AP3B1: variants seen among roughly 807,000 people sequenced by gnomAD.
AP3B1 encodes the protein AP-3 complex subunit beta-1.
Under a neutral mutation model 132.5 loss-of-function variants are expected in AP3B1, and 61 were observed. That is an observed-to-expected ratio of 0.46 (90% confidence interval 0.37 to 0.57). The LOEUF is 0.57. AP3B1 is among the 20% of genes least tolerant of loss of function. The probability of loss-of-function intolerance (pLI) is 0.00; values close to 1 mark genes in which losing one functional copy is unlikely to be tolerated. For synonymous variants in AP3B1, 388 were observed against 438.3 expected (o/e 0.89, Z 1.43); for missense variants, 1,120 against 1,289.4 (o/e 0.87, Z 2.01).
chr5:78,110,065 T>C (rs989576185), intron 20 of AP3B1, 142 bp downstream of exon 20: 2 of 720,720 alleles, frequency 2.8e-6, no homozygotes, highest in African/African-American at 1.8e-5. Context: ...TTAAAGTTTC[T>C]AGCATTTCTG....
At chr5:78,219,522 T>C (rs1256890988) in intron 6 of AP3B1, among the ~76,000 whole-genome samples, 1 of 151,998 alleles carries the variant, frequency 6.6e-6, no homozygotes, top group Non-Finnish European at 1.5e-5. Context: ...TGGTAACAGT[T>C]GATTGGAGAT....
At chr5:78,161,447 C>T (rs778954318) in intron 13 of AP3B1, among the ~76,000 whole-genome samples, 11 of 151,820 alleles carry the variant, frequency 7.2e-5, no homozygotes, top group Non-Finnish European at 1.5e-4. Flanking sequence ...AAGTTATTTT[C>T]CCAAGGTGTG....
chr5:78,039,105 T>A lies in AP3B1; in HGVS notation c.2747A>T (p.Asn916Ile). 4 of 1,613,506 alleles carry A rather than the reference T, an allele frequency of 2.5e-6. No homozygotes were observed. The highest frequency in any genetic ancestry group is 3.4e-6 in the Non-Finnish European group (4 of 1,179,566). Residue 916 changes from asparagine to isoleucine, a missense_variant, in exon 23 of 27, where the codon AAT (asparagine) becomes ATT (isoleucine). By Grantham distance (149) the Asn-to-Ile change is moderately radical. Coordinates refer to ENST00000255194, the MANE Select transcript of AP3B1 (RefSeq NM_003664.5). ...AAGTTTTTTTTCCCCTATGTGGATA[T>A]TTTCTATCTTTCGATCAGTAGTGTT... ...LNNTTDRKIENIHIGEKKLPI... is the reference protein window; with the variant it reads ...LNNTTDRKIEIIHIGEKKLPI...
At chr5:78,078,084 T>C (rs1415999129) in intron 22 of AP3B1, among the ~76,000 whole-genome samples, 7 of 152,216 alleles carry the variant, frequency 4.6e-5, no homozygotes. Context: ...CATGCTTGTA[T>C]TCTAATTAGT....
intron 11 of AP3B1, among the ~76,000 whole-genome samples, chr5:78,169,805 G>A (rs965578998): frequency 6.6e-6 from 1 of 151,576 alleles, no homozygotes; most frequent in Non-Finnish European, 1.5e-5. Context: ...TGTGCACAAC[G>A]TGCAGGTTTG....
chr5:78,201,322 C>T (rs1040529534), intron 7 of AP3B1, among the ~76,000 whole-genome samples: 2 of 151,952 alleles, frequency 1.3e-5, no homozygotes, highest in Admixed American at 1.3e-4. Flanking sequence ...CCAACATATA[C>T]AAAAACATAA....
At chr5:78,173,208 T>C (rs1743998468) in intron 11 of AP3B1, among the ~76,000 whole-genome samples, 1 of 152,190 alleles carries the variant, frequency 6.6e-6, no homozygotes, top group South Asian at 2.1e-4. Flanking sequence ...AAGTGTGATG[T>C]GGTCCTGAGA....
intron 13 of AP3B1, among the ~76,000 whole-genome samples, chr5:78,157,124 T>C (rs1743181945): frequency 6.6e-6 from 1 of 152,140 alleles, no homozygotes; most frequent in Non-Finnish European, 1.5e-5. Context: ...ATCCCTACTC[T>C]GCCAGCCTCC....
Position 78,136,912 on chromosome 5 carries a change from G to A in AP3B1, c.1650+4231C>T, listed in dbSNP as rs190544136. The stretch of plus-strand genomic sequence containing the variant: ...TTATAATAATTCCCATTTTACAGAT[G>A]AGAAAATGAAATCTTGGATAGGTTA... On this transcript the variant is annotated intron_variant, in intron 15 of 26. Transcript: ENST00000255194. Among the ~76,000 whole-genome samples the A allele has an allele frequency of 3.9e-5, 6 of 152,168 alleles. No homozygotes were observed. In the East Asian group the frequency reaches 1.2e-3, roughly 29 times the overall value.
At chr5:78,273,620 A>T (rs1423334819) in intron 1 of AP3B1, among the ~76,000 whole-genome samples, 1 of 152,100 alleles carries the variant, frequency 6.6e-6, no homozygotes. Context: ...CTGTGTGCAA[A>T]ATGTTGGCTG....
intron 7 of AP3B1, among the ~76,000 whole-genome samples, chr5:78,195,606 T>G (rs1745050022): frequency 6.6e-6 from 1 of 151,996 alleles, no homozygotes; most frequent in Non-Finnish European, 1.5e-5. Flanking sequence ...GATCACGAGG[T>G]CAGGAATTAG....
chr5:78,195,815 A>G (rs1387178015), intron 7 of AP3B1, among the ~76,000 whole-genome samples: 4 of 152,066 alleles, frequency 2.6e-5, no homozygotes, highest in Non-Finnish European at 5.9e-5. Flanking sequence ...GCAAGACTCC[A>G]TCTCAAAAAA....
intron 26 of AP3B1, among the ~76,000 whole-genome samples, chr5:78,004,114 T>C (rs1191179366): frequency 6.6e-6 from 1 of 152,166 alleles, no homozygotes; most frequent in African/African-American, 2.4e-5. Context: ...CCAATCCCCT[T>C]GCCCCTTTCT....
rs140384974 is a variant in AP3B1 at position 78,007,813 on chromosome 5, C to T, written c.3132-4758G>A. Among the ~76,000 whole-genome samples the T allele has an allele frequency of 2.1e-3, 327 of 152,222 alleles. 6 individuals are homozygous for T. The East Asian group carries it at 0.028, about 13-fold the overall frequency. On this transcript the variant is annotated intron_variant, in intron 26 of 26. Transcript: ENST00000255194. Reference sequence around the variant, plus strand: ...ATTGCATTTTAAAGTTAAACCATTACACTATTGAATTAATAGTGAAGGACA... The same window carrying T: ...ATTGCATTTTAAAGTTAAACCATTATACTATTGAATTAATAGTGAAGGACA...
intron 22 of AP3B1, among the ~76,000 whole-genome samples, chr5:78,039,749 G>C (rs1230015528): frequency 2.8e-5 from 4 of 143,292 alleles, no homozygotes; most frequent in African/African-American, 1.1e-4. Flanking sequence ...CTGCACTCCA[G>C]CCTGGGCGAC....
rs536497091 is a variant in AP3B1, at chr5:78,060,583, C to T, written c.2578-21309G>A. ...ATGATCCCAAGACACCTTATGTAAA[C>T]GTCCACTGCAGCCCGACTCATACGC... On this transcript the variant is annotated intron_variant, in intron 22 of 26. Coordinates refer to ENST00000255194, the MANE Select transcript of AP3B1 (RefSeq NM_003664.5). Among the ~76,000 whole-genome samples, 5 of 152,096 alleles carry T rather than the reference C, an allele frequency of 3.3e-5. No homozygotes were observed. The South Asian group carries it at 6.2e-4, about 19-fold the overall frequency.
chr5:78,157,299 A>G (rs537174795), intron 13 of AP3B1, among the ~76,000 whole-genome samples: 1 of 152,266 alleles, frequency 6.6e-6, no homozygotes, highest in Admixed American at 6.5e-5. Context: ...GTTACATCAT[A>G]TCTTGTTGGT....
chr5:78,207,730 C>T (rs1252093145), intron 7 of AP3B1, among the ~76,000 whole-genome samples: 1 of 151,952 alleles, frequency 6.6e-6, no homozygotes, highest in Non-Finnish European at 1.5e-5. Flanking sequence ...ATCAAGTCAC[C>T]TGCAAAGGAG....
chr5:78,228,349 C>T (rs934112520), intron 3 of AP3B1, 110 bp from the exon 4 acceptor site: 1 of 692,750 alleles, frequency 1.4e-6, no homozygotes, highest in Non-Finnish European at 2.5e-6. Flanking sequence ...TGAATCTGGT[C>T]ACATGTTAGA....
Sources: allele counts gnomAD v4.1 joint callset (sites outside exome capture counted in the v4.1 genomes callset), GRCh38; gene constraint gnomAD v4.1.1; transcripts MANE v1.5; gene names NCBI Gene and HGNC (gene_info 2026-07-23, HGNC 2026-07-21).